The following LRRC7 variants were observed in gnomAD, a reference collection of about 807,000 sequenced individuals.
LRRC7 encodes the protein leucine-rich repeat-containing protein 7.
In LRRC7, 23 loss-of-function variants were observed where a neutral mutation model predicts 175.7. That is an observed-to-expected ratio of 0.13 (90% CI 0.09 to 0.19). The LOEUF is 0.19. Among genes scored for constraint, LRRC7 ranks in the 10% least tolerant of loss-of-function variants. The pLI is 1.00. For synonymous variants in LRRC7, 685 were observed against 680.9 expected (o/e 1.01, Z -0.09); for missense variants, 1,354 against 1,904.7 (o/e 0.71, Z 5.38).
At chr1:69,980,811 T>C (rs1221646566) in intron 9 of LRRC7, among the ~76,000 whole-genome samples, 1 of 152,182 alleles carries the variant, frequency 6.6e-6, no homozygotes, top group Non-Finnish European at 1.5e-5. Flanking sequence ...ATCAACCTTA[T>C]TCTTACAGGT....
At chr1:69,995,489 G>T (rs967945029) in intron 11 of LRRC7, among the ~76,000 whole-genome samples, 25 of 151,692 alleles carry the variant, frequency 1.6e-4, no homozygotes, top group Admixed American at 1.4e-3. Flanking sequence ...TGCCATGCTG[G>T]TGCGCTGCAC....
intron 1 of LRRC7, among the ~76,000 whole-genome samples, chr1:69,638,503 A>T (rs1278324567): frequency 2.6e-5 from 4 of 151,746 alleles, no homozygotes; most frequent in Non-Finnish European, 5.9e-5. Flanking sequence ...TGGAGATCAC[A>T]ATTTGATTCC....
At chr1:69,925,831 G>T in intron 7 of LRRC7, among the ~76,000 whole-genome samples, 1 of 144,780 alleles carries the variant, frequency 6.9e-6, no homozygotes. Flanking sequence ...GTTATTTCTT[G>T]CCTTCTGCTA....
chr1:70,055,620 T>A (rs1258311570), intron 23 of LRRC7, among the ~76,000 whole-genome samples: 1 of 152,156 alleles, frequency 6.6e-6, no homozygotes, highest in Non-Finnish European at 1.5e-5. Flanking sequence ...TCAGGAAACT[T>A]ACAATCATTG....
rs1184933829 is a variant in LRRC7, at chr1:70,011,781, G to A, written c.1005-16G>A. ...CTAACTTTTAAAATGTCTAACTAAT[G>A]TATTTAACTTTTCAGTTTATCTTTA... On this transcript the variant is annotated splice_polypyrimidine_tract_variant and intron_variant, in intron 11 of 26. Transcript: ENST00000651989. 6.5e-7 allele frequency: 1 copy of A among 1,527,014 alleles called. No individual in the cohort carries two copies. Among genetic ancestry groups the A allele is most frequent in the Admixed American group, 1.7e-5 (1 of 58,880 alleles). The allele number at this position is 1,527,014 out of a possible 1,614,324, so 94.6% of individuals were successfully genotyped here.
chr1:69,940,501 TCTAC>T (rs756557444), intron 8 of LRRC7, among the ~76,000 whole-genome samples: 4 of 152,080 alleles, frequency 2.6e-5, no homozygotes, highest in Non-Finnish European at 4.4e-5. Flanking sequence ...GTCAACGGTT[TCTAC>T]CAGAGAAATT....
At chr1:69,653,092 A>C (rs777383801) in intron 1 of LRRC7, among the ~76,000 whole-genome samples, 1 of 152,080 alleles carries the variant, frequency 6.6e-6, no homozygotes, top group Non-Finnish European at 1.5e-5. Flanking sequence ...AAGAATAGAC[A>C]TGTGGGATAA....
intron 7 of LRRC7, among the ~76,000 whole-genome samples, chr1:69,848,207 A>C (rs1352990937): frequency 6.6e-6 from 1 of 152,106 alleles, no homozygotes; most frequent in Non-Finnish European, 1.5e-5. Flanking sequence ...TTTACTCAGA[A>C]ATATAATAAG....
intron 1 of LRRC7, among the ~76,000 whole-genome samples, chr1:69,657,846 T>C (rs971568281): frequency 6.6e-6 from 1 of 151,944 alleles, no homozygotes; most frequent in African/African-American, 2.4e-5. Context: ...AGTCACAGAC[T>C]TATTTATCCT....
chr1:69,773,893 C>T (rs761415599), intron 3 of LRRC7, among the ~76,000 whole-genome samples: 6 of 152,180 alleles, frequency 3.9e-5, no homozygotes, highest in Non-Finnish European at 8.8e-5. Context: ...GTGGATTGCA[C>T]TTGTTATCCC....
intron 23 of LRRC7, among the ~76,000 whole-genome samples, chr1:70,075,705 A>G (rs550680094): frequency 1.3e-5 from 2 of 152,316 alleles, no homozygotes; most frequent in South Asian, 4.1e-4. Context: ...ATATATTAAC[A>G]TCTCTCTGTA....
chr1:69,680,804 A>G (rs1023441638), intron 2 of LRRC7, among the ~76,000 whole-genome samples: 2 of 151,968 alleles, frequency 1.3e-5, no homozygotes, highest in Admixed American at 1.3e-4. Context: ...TATTTTAAAT[A>G]CAAAATTCAG....
intron 4 of LRRC7, among the ~76,000 whole-genome samples, chr1:69,811,811 C>A (rs905762126): frequency 5.3e-5 from 8 of 152,048 alleles, no homozygotes; most frequent in African/African-American, 1.9e-4. Context: ...AGGAGAAATA[C>A]CTAATGTAGG....
intron 7 of LRRC7, among the ~76,000 whole-genome samples, chr1:69,848,124 A>C (rs1682580522): frequency 1.3e-5 from 2 of 152,078 alleles, no homozygotes; most frequent in Non-Finnish European, 2.9e-5. Flanking sequence ...TTGCATTCTG[A>C]GTGGTAGCTT....
chr1:69,579,393 CTG>C (rs1646100449), intron 1 of LRRC7, among the ~76,000 whole-genome samples: 1 of 152,144 alleles, frequency 6.6e-6, no homozygotes, highest in Admixed American at 6.5e-5. Flanking sequence ...AACCTTTAAA[CTG>C]TGTGATTTGT....
At chr1:69,767,230 G>A (rs1490292026) in intron 3 of LRRC7, among the ~76,000 whole-genome samples, 2 of 152,014 alleles carry the variant, frequency 1.3e-5, no homozygotes, top group African/African-American at 2.4e-5. Context: ...GACAAATAAT[G>A]TTCCTTTGTA....
chr1:69,713,625 G>A (rs1665029432), intron 2 of LRRC7, among the ~76,000 whole-genome samples: 2 of 152,030 alleles, frequency 1.3e-5, no homozygotes, highest in South Asian at 4.2e-4. Flanking sequence ...GTAGGCCTAT[G>A]CTACATCAAA....
rs1665970567 is a variant in LRRC7, at chr1:70,118,014, A to G, written c.4621-3766A>G. ...AGCATCATTGGGTTTATACCCTGCAATGAACATTGCACAGTACCACCATTT... is the reference window on the plus strand; with the variant it reads ...AGCATCATTGGGTTTATACCCTGCAGTGAACATTGCACAGTACCACCATTT... On this transcript the variant is annotated intron_variant, in intron 26 of 26. Coordinates refer to ENST00000651989, the MANE Select transcript of LRRC7 (RefSeq NM_001370785.2). Among the ~76,000 whole-genome samples, 4 of 152,078 alleles carry G rather than the reference A, an allele frequency of 2.6e-5. No individual in the cohort carries two copies. In the East Asian group the frequency reaches 7.7e-4, roughly 29 times the overall value.
chr1:69,974,317 G>A (rs757223149), intron 8 of LRRC7, among the ~76,000 whole-genome samples: 16 of 151,978 alleles, frequency 1.1e-4, no homozygotes, highest in Non-Finnish European at 1.9e-4. Flanking sequence ...ACATTTTTAC[G>A]TTGATTTTTC....
Sources: allele counts gnomAD v4.1 joint callset (sites outside exome capture counted in the v4.1 genomes callset), GRCh38; gene constraint gnomAD v4.1.1; transcripts MANE v1.5; gene names NCBI Gene and HGNC (gene_info 2026-07-23, HGNC 2026-07-21).